Variants in FAP observed in about 807,000 individuals in gnomAD.
FAP encodes prolyl endopeptidase FAP.
FAP carries 110 observed loss-of-function variants against 126.5 expected under a neutral mutation model. The observed-to-expected ratio is 0.87, with a 90% CI of 0.74 to 1.02. The LOEUF is 1.02. FAP is among the 50% of genes least tolerant of loss of function. FAP has a pLI of 0.00. For synonymous variants in FAP, 334 were observed against 297.3 expected (o/e 1.12, Z -1.27); for missense variants, 919 against 909.2 (o/e 1.01, Z -0.14).
chr2:162,231,048 C>A (rs1028993529), intron 2 of FAP, among the ~76,000 whole-genome samples: 1 of 152,128 alleles, frequency 6.6e-6, no homozygotes, highest in Non-Finnish European at 1.5e-5. Context: ...TGTTCAATGA[C>A]CTTGCTCATT....
intron 22 of FAP, among the ~76,000 whole-genome samples, chr2:162,174,223 C>T (rs191380372): frequency 1.1e-4 from 16 of 152,246 alleles, no homozygotes; most frequent in Admixed American, 3.3e-4. Flanking sequence ...CCCCTACACA[C>T]GTACATAGAT....
rs1157976600 is a variant in FAP at position 162,194,747 on chromosome 2, G to C, written c.1404C>G (p.Gly468=). 6.2e-7 allele frequency: 1 copy of C among 1,613,492 alleles called. No individual in the cohort carries two copies. The highest frequency in any genetic ancestry group is 1.7e-5 in the Admixed American group (1 of 59,982). ...YAKYYALVCY[G]PGIPISTLHD... is the part of the protein sequence containing the mutation. ...GAAGGGTGGAAATGGGGATGCCTGG[G>C]CCTGTGGGCAGGATGAAAACAAAAT... The change falls in exon 17 of 26, where the codon GGC becomes GGG. Residue 468 remains glycine, a splice_region_variant and synonymous_variant. Coordinates refer to ENST00000188790, the MANE Select transcript of FAP (RefSeq NM_004460.5).
chr2:162,179,038 C>T (rs1223387645), intron 21 of FAP, among the ~76,000 whole-genome samples: 2 of 152,150 alleles, frequency 1.3e-5, no homozygotes, highest in African/African-American at 2.4e-5. Flanking sequence ...TTGGCCCATC[C>T]TCTCCCCAAA....
intron 16 of FAP, 126 bp downstream of exon 16, chr2:162,198,631 A>G (rs1688359102): frequency 1.7e-6 from 2 of 1,210,390 alleles, no homozygotes; most frequent in African/African-American, 1.5e-5. Context: ...TTCTATAAGC[A>G]CAAGATAAGA....
At chr2:162,224,397 C>T (rs1689543755) in intron 5 of FAP, 69 bp downstream of exon 5, 9 of 943,428 alleles carry the variant, frequency 9.5e-6, no homozygotes, top group South Asian at 1.5e-5. Context: ...CTTTCTCTCA[C>T]TTTTTTTAAA....
At chr2:162,213,436 CAG>C (rs1392576409) in intron 11 of FAP, among the ~76,000 whole-genome samples, 1 of 146,632 alleles carries the variant, frequency 6.8e-6, no homozygotes, top group African/African-American at 2.5e-5. Context: ...AAAAAAAAAA[CAG>C]AATATCTGGC....
chr2:162,182,143 T>C (rs938809136), intron 21 of FAP, among the ~76,000 whole-genome samples: 10 of 152,308 alleles, frequency 6.6e-5, no homozygotes, highest in African/African-American at 1.9e-4. Flanking sequence ...GGGTGATGAG[T>C]GGGTTTTTAG....
At chr2:162,197,587 A>C (rs1268925054) in intron 16 of FAP, 1 of 456,584 alleles carries the variant, frequency 2.2e-6, no homozygotes, top group Non-Finnish European at 4.4e-6. Flanking sequence ...TGCTATCTTC[A>C]AGGGAGAATT....
chr2:162,194,885 T>C (rs1055818267), intron 16 of FAP, 137 bp from the exon 17 acceptor site: 8 of 751,126 alleles, frequency 1.1e-5, no homozygotes, highest in Admixed American at 2.1e-5. Flanking sequence ...TTTTTCCCCA[T>C]AGAGAAGAAA....
In FAP at chr2:162,216,013, A is replaced by T. The variant is rs747279166; in HGVS notation, c.763-12T>A. ...TTCTTAGCTCCAGCCTGCCAAGAAAATTGAGATATATAAGCTCATAAAATT... is the reference window on the plus strand; with the variant it reads ...TTCTTAGCTCCAGCCTGCCAAGAAATTTGAGATATATAAGCTCATAAAATT... On this transcript the variant is annotated splice_polypyrimidine_tract_variant and intron_variant, in intron 9 of 25. Coordinates refer to ENST00000188790, the MANE Select transcript of FAP (RefSeq NM_004460.5). 2.5e-6 allele frequency: 4 copies of T among 1,584,642 alleles called. No individual in the cohort carries two copies. In the South Asian group the frequency reaches 4.4e-5, roughly 18 times the overall value.
chr2:162,225,637 A>G, intron 3 of FAP, 60 bp from the exon 4 acceptor site: 1 of 1,474,400 alleles, frequency 6.8e-7, no homozygotes, highest in Non-Finnish European at 9.1e-7. Flanking sequence ...ATACATTCCT[A>G]ACAAAAGAAA....
chr2:162,234,742 G>A (rs991376194), intron 2 of FAP, among the ~76,000 whole-genome samples: 10 of 152,128 alleles, frequency 6.6e-5, no homozygotes, highest in Admixed American at 3.3e-4. Context: ...CCTCGGCCTC[G>A]GCACCCATTC....
At chr2:162,198,521 T>C (rs1044316476) in intron 16 of FAP, 4 of 698,264 alleles carry the variant, frequency 5.7e-6, no homozygotes, top group African/African-American at 3.6e-5. Flanking sequence ...TTAGCTGCAG[T>C]GCGGACCTTT....
chr2:162,177,632 C>T (rs1687529411), intron 21 of FAP, among the ~76,000 whole-genome samples: 1 of 152,188 alleles, frequency 6.6e-6, no homozygotes, highest in African/African-American at 2.4e-5. Context: ...ATTGTACCAA[C>T]TTGCACCATT....
At chr2:162,206,995 A>G (rs958895611) in intron 12 of FAP, among the ~76,000 whole-genome samples, 3 of 152,222 alleles carry the variant, frequency 2.0e-5, no homozygotes, top group African/African-American at 4.8e-5. Flanking sequence ...AAGAAACCAT[A>G]TATCAAAAAT....
Position 162,226,630 on chromosome 2 carries a change from G to A in FAP, c.92-9C>T. On this transcript the variant is annotated splice_polypyrimidine_tract_variant and intron_variant, in intron 2 of 25. Coordinates refer to ENST00000188790, the MANE Select transcript of FAP (RefSeq NM_004460.5). ...TTCTTCAGAGTTATGAACTTTGGGG[G>A]AAGAGCAAATACATCCTTATTAAAA... 6.9e-7 allele frequency: 1 copy of A among 1,459,224 alleles called. No individual in the cohort carries two copies. Among genetic ancestry groups the A allele is most frequent in the South Asian group, 1.2e-5 (1 of 81,884 alleles). 90.4% of individuals were successfully genotyped at this position (1,459,224 alleles called of 1,614,324 possible).
intron 3 of FAP, 149 bp downstream of exon 3, chr2:162,226,373 CT>C: frequency 2.1e-6 from 1 of 467,242 alleles, no homozygotes; most frequent in Non-Finnish European, 3.8e-6. Context: ...GTCAAAAGCG[CT>C]TTTTTGAGCA....
intron 16 of FAP, chr2:162,197,749 G>A: frequency 2.4e-6 from 1 of 416,544 alleles, no homozygotes; most frequent in Non-Finnish European, 4.8e-6. Context: ...AACTGAATAG[G>A]GATATCAAGC....
At chr2:162,225,367 T>G in intron 4 of FAP, 116 bp downstream of exon 4, 12 of 1,321,732 alleles carry the variant, frequency 9.1e-6, no homozygotes, top group African/African-American at 1.5e-5. Context: ...TAGTGGAGTA[T>G]GGAGCTGGGA....
Sources: allele counts gnomAD v4.1 joint callset (sites outside exome capture counted in the v4.1 genomes callset), GRCh38; gene constraint gnomAD v4.1.1; transcripts MANE v1.5; gene names NCBI Gene and HGNC (gene_info 2026-07-23, HGNC 2026-07-21).